CIP2A: variants seen among roughly 807,000 people sequenced by gnomAD.
CIP2A encodes the protein protein CIP2A.
In CIP2A, 103 loss-of-function variants were observed where a neutral mutation model predicts 110.9. The ratio of observed to expected loss-of-function variants is 0.93; its 90% CI spans 0.79 to 1.09. The LOEUF is 1.09. Ranked by LOEUF, CIP2A falls within the 50% of genes least tolerant of loss-of-function variation. CIP2A has a pLI of 0.00. For missense variants in CIP2A, 1,088 were observed against 1,038.4 expected (o/e 1.05, Z -0.66); for synonymous variants, 381 against 361.6 (o/e 1.05, Z -0.61).
At chr3:108,577,180 G>A (rs1409229136) in intron 7 of CIP2A, among the ~76,000 whole-genome samples, 1 of 152,166 alleles carries the variant, frequency 6.6e-6, no homozygotes, top group Non-Finnish European at 1.5e-5. Flanking sequence ...AAAACAAAAT[G>A]TGTGAAGAAA....
At chr3:108,583,511 G>A (rs912804192) in intron 2 of CIP2A, among the ~76,000 whole-genome samples, 1 of 152,164 alleles carries the variant, frequency 6.6e-6, no homozygotes, top group Non-Finnish European at 1.5e-5. Flanking sequence ...AATATTGCAT[G>A]TATTCATTCA....
chr3:108,569,667 A>T, intron 8 of CIP2A, 60 bp from the exon 9 acceptor site: 1 of 1,257,944 alleles, frequency 7.9e-7, no homozygotes. Flanking sequence ...ATACAAAGCA[A>T]GTGTATGATG....
intron 20 of CIP2A, among the ~76,000 whole-genome samples, chr3:108,551,806 C>T (rs936033753): frequency 6.6e-6 from 1 of 152,002 alleles, no homozygotes; most frequent in Non-Finnish European, 1.5e-5. Flanking sequence ...AGAAAGAACC[C>T]CGGACTCAGA....
Position 108,576,282 on chromosome 3 carries a change from A to T in CIP2A, c.883T>A (p.Ser295Thr). The change falls in exon 8 of 21, where the codon TCC becomes ACC. Residue 295 changes from serine (S) to threonine (T), a missense_variant. Coordinates refer to ENST00000295746, the MANE Select transcript of CIP2A (RefSeq NM_020890.3). ...LGLLNGKDPD[S>T]SSKVLELLLA... is the part of the protein sequence containing the mutation. ...ATGTTTTTACATACCTTTGAAGAGG[A>T]ATCAGGATCCTTTCCATTAAGAAGA... is the stretch of plus-strand genomic sequence containing the variant. 6.4e-7 allele frequency: 1 copy of T among 1,557,710 alleles called. No individual in the cohort carries two copies. Among genetic ancestry groups the T allele is most frequent in the Non-Finnish European group, 8.7e-7 (1 of 1,151,004 alleles).
intron 5 of CIP2A, among the ~76,000 whole-genome samples, chr3:108,579,893 G>A (rs368054708): frequency 1.8e-4 from 28 of 152,146 alleles, no homozygotes; most frequent in African/African-American, 5.8e-4. Flanking sequence ...TATAAAGAGA[G>A]TACCTACAGA....
intron 13 of CIP2A, among the ~76,000 whole-genome samples, chr3:108,562,423 G>A (rs1004285553): frequency 6.6e-6 from 1 of 151,900 alleles, no homozygotes; most frequent in East Asian, 1.9e-4. Flanking sequence ...TGCTGATCCC[G>A]GTATACAGGG....
intron 11 of CIP2A, among the ~76,000 whole-genome samples, 188 bp downstream of exon 11, chr3:108,566,309 C>A (rs577873458): frequency 6.6e-6 from 1 of 151,608 alleles, no homozygotes; most frequent in Non-Finnish European, 1.5e-5. Flanking sequence ...AATGTTAATA[C>A]CTTTCTTCAA....
At chr3:108,561,021 C>T (rs1576301886) in intron 13 of CIP2A, among the ~76,000 whole-genome samples, 180 bp from the exon 14 acceptor site, 1 of 152,116 alleles carries the variant, frequency 6.6e-6, no homozygotes, top group East Asian at 1.9e-4. Flanking sequence ...TCCAGAGCAC[C>T]CACTTTTCTG....
chr3:108,571,037 A>G (rs1237501025), intron 8 of CIP2A, among the ~76,000 whole-genome samples: 1 of 151,970 alleles, frequency 6.6e-6, no homozygotes, highest in Non-Finnish European at 1.5e-5. Context: ...ACATTAGCCC[A>G]GGTCTACACA....
At position 108,575,445 on chromosome 3, in the gene CIP2A, T is replaced by C. The variant is rs201335999; in HGVS notation, c.894+826A>G. Among the ~76,000 whole-genome samples, 9 of 149,220 alleles carry C rather than the reference T, an allele frequency of 6.0e-5. No individual in the cohort carries two copies. In the South Asian group the frequency reaches 1.1e-3, roughly 18 times the overall value. The stretch of plus-strand genomic sequence containing the variant: ...ACATGTATACATACACATACATATA[T>C]ACATATACATGTATACATGTGAGTA... On this transcript the variant is annotated intron_variant, in intron 8 of 20. Coordinates refer to ENST00000295746, the MANE Select transcript of CIP2A (RefSeq NM_020890.3).
At chr3:108,581,631 C>CA (rs556559445) in intron 4 of CIP2A, 120 bp from the exon 5 acceptor site, 49,757 of 422,650 alleles carry the variant, frequency 0.12, 5 homozygotes, top group South Asian at 0.17. Flanking sequence ...CTTTTACACG[C>CA]AAAAAAAAAA....
intron 2 of CIP2A, among the ~76,000 whole-genome samples, chr3:108,584,125 A>G (rs1005657337): frequency 6.6e-6 from 1 of 152,222 alleles, no homozygotes; most frequent in Non-Finnish European, 1.5e-5. Context: ...CTAATATTTG[A>G]GCAAAATTAC....
Position 108,569,181 on chromosome 3 carries a change from T to TATATATATATATATATATATATATATAC in CIP2A, c.1113+207_1113+208insGTATATATATATATATATATATATATAT. On this transcript the variant is annotated intron_variant, in intron 9 of 20. Coordinates refer to ENST00000295746, the MANE Select transcript of CIP2A (RefSeq NM_020890.3). ...CTGAAATGAGCACTATATATATATA[T>TATATATATATATATATATATATATATAC]ACATACACACTACTCAGTGAAAAAA... Among the ~76,000 whole-genome samples, 524 of 57,648 alleles carry TATATATATATATATATATATATATATAC rather than the reference T, an allele frequency of 9.1e-3. 71 individuals carry two copies. The highest frequency in any genetic ancestry group is 0.014 in the Non-Finnish European group (363 of 25,112). The allele number at this position is 57,648 out of a possible 152,430, so 37.8% of individuals were successfully genotyped here. A position where few individuals can be genotyped will look rare whatever the true frequency, so the allele number is the denominator to read the frequency against.
intron 1 of CIP2A, chr3:108,585,554 A>G (rs1939016993): frequency 7.7e-6 from 3 of 387,648 alleles, no homozygotes; most frequent in Non-Finnish European, 1.5e-5. Context: ...AGTTCCTAGC[A>G]ATATTTCTCC....
chr3:108,566,479 T>TA lies in CIP2A; in HGVS notation c.1415+17dup. On this transcript the variant is annotated intron_variant, in intron 11 of 20. Transcript: ENST00000295746. Reference sequence around the variant, plus strand: ...TTTTACTGCCTTGCCATTTTGTCATTAGAGTTTATATACTCACCATAATTC... The same window carrying TA: ...TTTTACTGCCTTGCCATTTTGTCATTAAGAGTTTATATACTCACCATAATTC... 6.3e-7 allele frequency: 1 copy of TA among 1,578,242 alleles called. No individual in the cohort carries two copies. Among genetic ancestry groups the TA allele is most frequent in the Non-Finnish European group, 8.6e-7 (1 of 1,165,984 alleles).
chr3:108,571,634 A>G (rs1938405684), intron 8 of CIP2A, among the ~76,000 whole-genome samples: 1 of 152,180 alleles, frequency 6.6e-6, no homozygotes. Flanking sequence ...AAGTAAAAAA[A>G]CTAATTACTA....
At chr3:108,572,700 TAG>T (rs778350632) in intron 8 of CIP2A, among the ~76,000 whole-genome samples, 14 of 152,068 alleles carry the variant, frequency 9.2e-5, no homozygotes, top group Non-Finnish European at 1.3e-4. Context: ...ACTTGTTAAA[TAG>T]ATTCACTTAA....
chr3:108,580,130 G>A (rs991811014), intron 5 of CIP2A, among the ~76,000 whole-genome samples: 2 of 152,144 alleles, frequency 1.3e-5, no homozygotes, highest in African/African-American at 4.8e-5. Context: ...ACTGTAATGA[G>A]GAACTCTCAT....
intron 17 of CIP2A, among the ~76,000 whole-genome samples, chr3:108,555,365 C>T (rs1937758707): frequency 6.6e-6 from 1 of 152,026 alleles, no homozygotes; most frequent in South Asian, 2.1e-4. Context: ...CTAGATAGCC[C>T]TAGAAGTAAA....
Sources: gnomAD v4.1 joint callset for allele counts (sites outside exome capture counted in the v4.1 genomes callset) on GRCh38, gnomAD v4.1.1 for gene constraint, MANE v1.5 for transcripts, NCBI Gene and HGNC (gene_info 2026-07-23, HGNC 2026-07-21) for gene names.